CNTLN: variants seen among roughly 807,000 people sequenced by gnomAD.
The protein encoded by CNTLN is centlein, centrosomal protein.
In CNTLN, 212 loss-of-function variants were observed where a neutral mutation model predicts 180.0. The ratio of observed to expected loss-of-function variants is 1.18; its 90% confidence interval spans 1.05 to 1.32. The LOEUF is 1.32. CNTLN is among the 40% of genes most tolerant of loss of function. The pLI, the probability that CNTLN is intolerant of heterozygous loss-of-function variation, is 0.00. For missense variants in CNTLN, 2,095 were observed against 1,610.9 expected, an observed-to-expected ratio of 1.30 and a Z score of -5.14; for synonymous variants, 722 against 563.1, an observed-to-expected ratio of 1.28 and a Z score of -3.99.
At chr9:17,313,673 A>T (rs1587625313) in intron 8 of CNTLN, among the ~76,000 whole-genome samples, 1 of 152,266 alleles carries the variant, frequency 6.6e-6, no homozygotes, top group South Asian at 2.1e-4. Context: ...ACCAAATTGG[A>T]AAAAAATTTT....
intron 25 of CNTLN, among the ~76,000 whole-genome samples, chr9:17,489,573 AT>A (rs201331524): frequency 1.1e-4 from 16 of 151,170 alleles, no homozygotes; most frequent in African/African-American, 2.4e-4. Context: ...TAAAAAAAAT[AT>A]TTTTTTTTCT....
At chr9:17,397,837 A>G in intron 15 of CNTLN, among the ~76,000 whole-genome samples, 1 of 152,196 alleles carries the variant, frequency 6.6e-6, no homozygotes, top group Non-Finnish European at 1.5e-5. Context: ...GTAAAACTCA[A>G]TTTTACACCA....
chr9:17,277,482 A>G (rs1035179760), intron 6 of CNTLN, among the ~76,000 whole-genome samples: 1 of 152,118 alleles, frequency 6.6e-6, no homozygotes, highest in Non-Finnish European at 1.5e-5. Context: ...ATCTGGACTT[A>G]AATTATATCT....
chr9:17,244,775 A>C (rs1825705249), intron 5 of CNTLN, among the ~76,000 whole-genome samples: 2 of 151,682 alleles, frequency 1.3e-5, no homozygotes, highest in Admixed American at 1.3e-4. Context: ...GGTATGATTT[A>C]ATTTCTTATT....
chr9:17,243,185 T>C (rs1325815783), intron 5 of CNTLN, among the ~76,000 whole-genome samples: 2 of 152,202 alleles, frequency 1.3e-5, no homozygotes, highest in African/African-American at 4.8e-5. Context: ...GTCTACTTTT[T>C]CATCTCTGAT....
intron 2 of CNTLN, among the ~76,000 whole-genome samples, chr9:17,210,549 A>G (rs199694373): frequency 6.6e-6 from 1 of 152,142 alleles, no homozygotes; most frequent in Non-Finnish European, 1.5e-5. Flanking sequence ...TTTATAGTAG[A>G]ATGATTTATA....
intron 10 of CNTLN, 31 bp from the exon 11 acceptor site, chr9:17,340,796 T>G (rs1306304915): frequency 1.3e-6 from 2 of 1,579,338 alleles, no homozygotes; most frequent in Non-Finnish European, 1.7e-6. Context: ...TTCTTCAAAC[T>G]TATATATACT....
intron 8 of CNTLN, among the ~76,000 whole-genome samples, chr9:17,327,611 A>G (rs1041698622): frequency 2.0e-5 from 3 of 151,668 alleles, no homozygotes; most frequent in African/African-American, 7.3e-5. Context: ...AAATTTTTAC[A>G]TTGAACTCAT....
intron 8 of CNTLN, among the ~76,000 whole-genome samples, chr9:17,311,801 A>G (rs971785584): frequency 6.6e-6 from 1 of 152,092 alleles, no homozygotes; most frequent in African/African-American, 2.4e-5. Flanking sequence ...GAGAGACTCC[A>G]TATCAAGAAG....
At chr9:17,266,587 T>G (rs1827467889) in intron 5 of CNTLN, among the ~76,000 whole-genome samples, 1 of 152,198 alleles carries the variant, frequency 6.6e-6, no homozygotes, top group Non-Finnish European at 1.5e-5. Flanking sequence ...AATTCCTGGG[T>G]ATCCTTGTTA....
chr9:17,136,154 C>T (rs931261651), intron 1 of CNTLN, among the ~76,000 whole-genome samples: 1 of 152,136 alleles, frequency 6.6e-6, no homozygotes, highest in Non-Finnish European at 1.5e-5. Context: ...ATTGAATTTT[C>T]CTTTAGTTTT....
chr9:17,173,409 C>T (rs924659745), intron 2 of CNTLN, among the ~76,000 whole-genome samples: 1 of 152,020 alleles, frequency 6.6e-6, no homozygotes, highest in Non-Finnish European at 1.5e-5. Context: ...CCATTTGATA[C>T]CCTGATGCGT....
At chr9:17,337,731 A>G (rs1398054772) in intron 10 of CNTLN, among the ~76,000 whole-genome samples, 1 of 152,190 alleles carries the variant, frequency 6.6e-6, no homozygotes, top group East Asian at 1.9e-4. Flanking sequence ...CAGTACTGAA[A>G]AATCCTTAAC....
intron 1 of CNTLN, among the ~76,000 whole-genome samples, chr9:17,138,108 G>T (rs905621328): frequency 2.6e-5 from 4 of 152,060 alleles, no homozygotes; most frequent in African/African-American, 9.7e-5. Context: ...GGCATTTAAT[G>T]CCCTATTTCA....
rs191027701 is a variant in CNTLN at position 17,350,721 on chromosome 9, A to G, written c.1886+8277A>G. ...TTGTAGATGGCTGCTTTCTCAGTGT[A>G]TTATCACATTTCAGATTTCTCATCT... On this transcript the variant is annotated intron_variant, in intron 12 of 25. Transcript: ENST00000380647. 2.1e-3 allele frequency among the ~76,000 whole-genome samples: 323 copies of G among 152,204 alleles called. 1 individual carries two copies. Among genetic ancestry groups the G allele is most frequent in the African/African-American group, 7.4e-3 (306 of 41,536 alleles).
At chr9:17,147,672 G>C (rs1324381299) in intron 2 of CNTLN, among the ~76,000 whole-genome samples, 1 of 152,090 alleles carries the variant, frequency 6.6e-6, no homozygotes, top group African/African-American at 2.4e-5. Flanking sequence ...GGTGTGACTT[G>C]GGATTGTCAG....
chr9:17,229,168 A>G (rs1824658214), intron 3 of CNTLN, among the ~76,000 whole-genome samples: 1 of 152,120 alleles, frequency 6.6e-6, no homozygotes, highest in Non-Finnish European at 1.5e-5. Flanking sequence ...AGAGAGTACA[A>G]TGCAATATCT....
chr9:17,324,983 T>A (rs1820167486), intron 8 of CNTLN, among the ~76,000 whole-genome samples: 1 of 151,904 alleles, frequency 6.6e-6, no homozygotes, highest in African/African-American at 2.4e-5. Context: ...AGTGAGTAGA[T>A]GGAAGAAATG....
chr9:17,334,717 G>T (rs1417715827), intron 10 of CNTLN, among the ~76,000 whole-genome samples: 1 of 151,964 alleles, frequency 6.6e-6, no homozygotes, highest in Admixed American at 6.6e-5. Context: ...GGCTAAACCT[G>T]AGTACACATG....
Sources: allele counts gnomAD v4.1 joint callset (sites outside exome capture counted in the v4.1 genomes callset), GRCh38; gene constraint gnomAD v4.1.1; transcripts MANE v1.5; gene names NCBI Gene and HGNC (gene_info 2026-07-23, HGNC 2026-07-21).